The following MADD variants were observed in gnomAD, a reference collection of about 807,000 sequenced individuals.
MADD encodes the protein MAP kinase-activating death domain protein.
In MADD, 109 loss-of-function variants were observed where a neutral mutation model predicts 176.7. That is an observed-to-expected ratio of 0.62 (90% CI 0.53 to 0.72). The LOEUF (loss-of-function observed/expected upper bound fraction) is 0.72. MADD is among the 30% of genes least tolerant of loss of function. MADD has a pLI of 0.00. For missense variants in MADD, 1,914 were observed against 2,045.5 expected, an observed-to-expected ratio of 0.94 and a Z score of 1.24; for synonymous variants, 771 against 771.3, an observed-to-expected ratio of 1.00 and a Z score of 0.01.
At chr11:47,285,797 A>G (rs560099051) in intron 14 of MADD, among the ~76,000 whole-genome samples, 10 of 134,556 alleles carry the variant, frequency 7.4e-5, no homozygotes, top group Middle Eastern at 3.9e-3. Flanking sequence ...ATGCCTGGAC[A>G]TTTCAGTCTA....
At chr11:47,327,901 G>A in intron 31 of MADD, 6 of 985,322 alleles carry the variant, frequency 6.1e-6, no homozygotes, top group Non-Finnish European at 7.2e-6. Context: ...TGGCCAAGCA[G>A]AACCCCTGCA....
At chr11:47,327,957 CAT>C (rs1029385722) in intron 31 of MADD, 18 of 985,172 alleles carry the variant, frequency 1.8e-5, no homozygotes, top group African/African-American at 7.0e-5. Context: ...GGGCTGTGGA[CAT>C]GTGTGTATTT....
intron 22 of MADD, among the ~76,000 whole-genome samples, chr11:47,305,681 T>G (rs936762323): frequency 1.3e-5 from 2 of 152,062 alleles, no homozygotes; most frequent in African/African-American, 4.8e-5. Flanking sequence ...AGAGCACAGC[T>G]GTCATTTGGG....
intron 22 of MADD, among the ~76,000 whole-genome samples, chr11:47,304,260 C>T (rs774631342): frequency 4.1e-5 from 6 of 144,822 alleles, no homozygotes; most frequent in Non-Finnish European, 7.5e-5. Flanking sequence ...GACGGAGTTT[C>T]GCTCTTGTTG....
chr11:47,317,573 C>T (rs2093424037), intron 27 of MADD, among the ~76,000 whole-genome samples: 1 of 152,096 alleles, frequency 6.6e-6, no homozygotes, highest in Non-Finnish European at 1.5e-5. Flanking sequence ...GGTTTGATCA[C>T]TTTCAGATTC....
chr11:47,291,599 AG>A (rs1001621874), intron 19 of MADD, among the ~76,000 whole-genome samples: 1 of 152,136 alleles, frequency 6.6e-6, no homozygotes, highest in African/African-American at 2.4e-5. Context: ...ATTCCTTTTT[AG>A]GGGAGCTACA....
At chr11:47,289,797 T>C (rs2063689794) in intron 16 of MADD, 70 bp from the exon 18 acceptor site, 6 of 1,547,050 alleles carry the variant, frequency 3.9e-6, no homozygotes, top group Non-Finnish European at 5.3e-6. Context: ...AGACATCTAG[T>C]CTGGGTGAAA....
intron 27 of MADD, among the ~76,000 whole-genome samples, chr11:47,321,594 A>AT (rs1555104214): frequency 1.3e-5 from 2 of 152,074 alleles, no homozygotes; most frequent in African/African-American, 4.8e-5. Flanking sequence ...AAAGAAGCTC[A>AT]GGGGGGGCAG....
chr11:47,285,696 G>A (rs1444312110), intron 14 of MADD, 106 bp downstream of exon 14: 5 of 1,480,784 alleles, frequency 3.4e-6, no homozygotes, highest in Non-Finnish European at 2.8e-6. Flanking sequence ...GGCTAGGTTG[G>A]CATTAGCAAG....
At chr11:47,313,065 A>G (rs1327596020) in intron 26 of MADD, among the ~76,000 whole-genome samples, 2 of 152,202 alleles carry the variant, frequency 1.3e-5, no homozygotes, top group African/African-American at 4.8e-5. Flanking sequence ...TCAGTTAATC[A>G]AGTGAGCCTG....
Position 47,323,682 on chromosome 11 carries a change from CTGTG to C in MADD, c.4212_4215del (p.Cys1404TrpfsTer22), listed in dbSNP as rs1359577297. On this transcript the variant is annotated frameshift_variant, in exon 28 of 33. Transcript: ENST00000402192. LOFTEE classifies it high-confidence loss of function. ...GTGCACTTCTCCAGGTGTGCGATGA[CTGTG>C]TGGTGTTGCGTAGTAACATCGGAAC... The C allele has an allele frequency of 6.2e-6, 10 of 1,613,280 alleles. No homozygotes were observed. Among genetic ancestry groups the C allele is most frequent in the Non-Finnish European group, 8.5e-6 (10 of 1,179,834 alleles).
chr11:47,278,454 A>C (rs1190261444), intron 6 of MADD, among the ~76,000 whole-genome samples, 176 bp downstream of exon 6: 1 of 152,214 alleles, frequency 6.6e-6, no homozygotes, highest in African/African-American at 2.4e-5. Flanking sequence ...TATTAGCCAA[A>C]TAAACCCTTG....
chr11:47,269,430 T>G (rs1024817199), upstream of MADD: 1 of 152,374 alleles, frequency 6.6e-6, no homozygotes, highest in African/African-American at 2.4e-5. Context: ...TAGCATGCCT[T>G]GGTTTTTCCT....
chr11:47,327,601 C>A lies in MADD; in HGVS notation c.4612+794C>A, dbSNP rs1480951071. ...TTCCTACCTTGCCTCCCCCTTCTCACCGGCTCACTGGACTTTCCTCCCCGT... is the reference window on the plus strand; with the variant it reads ...TTCCTACCTTGCCTCCCCCTTCTCAACGGCTCACTGGACTTTCCTCCCCGT... On this transcript the variant is annotated intron_variant, in intron 31 of 32. Coordinates refer to ENST00000402192, the Ensembl canonical transcript of MADD. 3.0e-6 allele frequency: 3 copies of A among 985,226 alleles called. No individual in the cohort carries two copies. In the East Asian group the frequency reaches 3.4e-4, roughly 112 times the overall value. The allele number at this position is 985,226 out of a possible 1,614,324, so 61.0% of individuals were successfully genotyped here.
rs541319626 is a variant in MADD at position 47,316,600 on chromosome 11, G to A, written c.4197+1273G>A. On this transcript the variant is annotated intron_variant, in intron 27 of 32. Coordinates refer to ENST00000402192, the Ensembl canonical transcript of MADD. ...GGATGGGGTTTCACCATGTTGGTCAGGCTGGTCTCCAACTCCTGACCTCAC... is the reference window on the plus strand; with the variant it reads ...GGATGGGGTTTCACCATGTTGGTCAAGCTGGTCTCCAACTCCTGACCTCAC... Among the ~76,000 whole-genome samples the A allele has an allele frequency of 1.5e-4, 23 of 152,016 alleles. 1 individual carries two copies. The East Asian group carries it at 3.9e-3, about 26-fold the overall frequency.
intron 20 of MADD, among the ~76,000 whole-genome samples, chr11:47,295,018 T>G (rs1055274755): frequency 1.8e-5 from 1 of 55,364 alleles, no homozygotes; most frequent in Non-Finnish European, 3.2e-5. Context: ...TGTTTTTTTG[T>G]TTTTTTTTTT....
At chr11:47,315,809 T>C (rs962800110) in intron 27 of MADD, among the ~76,000 whole-genome samples, 2 of 150,200 alleles carry the variant, frequency 1.3e-5, no homozygotes, top group African/African-American at 2.5e-5. Flanking sequence ...AATTAAATTT[T>C]ATATAGTAGA....
intron 20 of MADD, 134 bp from the exon 23 acceptor site, chr11:47,295,362 A>C (rs1303052762): frequency 3.0e-6 from 2 of 671,830 alleles, no homozygotes; most frequent in African/African-American, 1.8e-5. Flanking sequence ...TTCTGGAAAC[A>C]AAAGTTGCTC....
chr11:47,295,511 T>C (rs769963605), exon 21 of MADD: 1 of 1,613,984 alleles, frequency 6.2e-7, no homozygotes, highest in Admixed American at 1.7e-5. Flanking sequence ...TGATCAAGAC[T>C]CTGTCATCGG....
Sources: allele counts gnomAD v4.1 joint callset (sites outside exome capture counted in the v4.1 genomes callset), GRCh38; gene constraint gnomAD v4.1.1; transcripts MANE v1.5; gene names NCBI Gene and HGNC (gene_info 2026-07-23, HGNC 2026-07-21).